The following TMTC1 variants were observed in gnomAD, a reference collection of about 807,000 sequenced individuals.
TMTC1 encodes transmembrane O-mannosyltransferase targeting cadherins 1, also known as protein O-mannosyl-transferase TMTC1.
Under a neutral mutation model 104.8 loss-of-function variants are expected in TMTC1, and 73 were observed. The observed-to-expected ratio is 0.70, with a 90% confidence interval of 0.58 to 0.85. TMTC1 has a LOEUF of 0.85. TMTC1 is among the 40% of genes least tolerant of loss of function. The pLI, the probability that TMTC1 is intolerant of heterozygous loss-of-function variation, is 0.00. For synonymous variants in TMTC1, 434 were observed against 428.7 expected (o/e 1.01, Z -0.15); for missense variants, 1,035 against 1,096.1 (o/e 0.94, Z 0.79).
chr12:29,573,473 T>C (rs1945737292), intron 8 of TMTC1, among the ~76,000 whole-genome samples: 1 of 152,140 alleles, frequency 6.6e-6, no homozygotes, highest in Non-Finnish European at 1.5e-5. Context: ...ACAATATGGT[T>C]AGAGTCCCAG....
At chr12:29,626,265 A>T (rs1937984655) in intron 6 of TMTC1, among the ~76,000 whole-genome samples, 1 of 152,208 alleles carries the variant, frequency 6.6e-6, no homozygotes, top group Non-Finnish European at 1.5e-5. Context: ...TAAGTAAAAT[A>T]ACCAAACTAT....
At chr12:29,678,644 G>T (rs201166372) in intron 5 of TMTC1, among the ~76,000 whole-genome samples, 1 of 152,122 alleles carries the variant, frequency 6.6e-6, no homozygotes, top group East Asian at 1.9e-4. Context: ...ACTGTTCATG[G>T]CTATGGTTAT....
At chr12:29,675,004 A>G (rs1257538813) in intron 5 of TMTC1, among the ~76,000 whole-genome samples, 1 of 152,194 alleles carries the variant, frequency 6.6e-6, no homozygotes, top group Admixed American at 6.5e-5. Flanking sequence ...TCTCACTGAC[A>G]TATTACAGCA....
intron 5 of TMTC1, among the ~76,000 whole-genome samples, chr12:29,748,839 T>C (rs890503740): frequency 6.6e-6 from 1 of 152,150 alleles, no homozygotes; most frequent in Non-Finnish European, 1.5e-5. Context: ...TTATTAAAAA[T>C]TCAAGTAAAT....
chr12:29,639,850 G>A (rs1202148836), intron 5 of TMTC1, among the ~76,000 whole-genome samples: 1 of 152,188 alleles, frequency 6.6e-6, no homozygotes, highest in Non-Finnish European at 1.5e-5. Context: ...TGTGGAACAA[G>A]CACAGAAGAC....
intron 5 of TMTC1, among the ~76,000 whole-genome samples, chr12:29,678,955 C>G (rs7135501): frequency 0.21 from 31,322 of 152,012 alleles, 3,574 homozygotes; most frequent in East Asian, 0.29. Flanking sequence ...AAACATTTCT[C>G]CAACCATTAG....
intron 10 of TMTC1, among the ~76,000 whole-genome samples, chr12:29,537,619 C>T (rs1441912327): frequency 6.6e-6 from 1 of 152,148 alleles, no homozygotes; most frequent in African/African-American, 2.4e-5. Flanking sequence ...AGGCCCCATC[C>T]AGACCTACTG....
intron 5 of TMTC1, among the ~76,000 whole-genome samples, chr12:29,634,465 AAC>A (rs756969706): frequency 0.97 from 147,293 of 152,124 alleles, 71,481 homozygotes; most frequent in Middle Eastern, 1. Context: ...CACTACTGAA[AAC>A]CCCCACTCCA....
At chr12:29,651,507 C>T (rs1451511801) in intron 5 of TMTC1, among the ~76,000 whole-genome samples, 2 of 152,080 alleles carry the variant, frequency 1.3e-5, no homozygotes, top group African/African-American at 4.8e-5. Flanking sequence ...AGTTAGGGCC[C>T]CACTAACTTT....
chr12:29,722,182 C>T (rs1230961370), intron 5 of TMTC1, among the ~76,000 whole-genome samples: 1 of 152,126 alleles, frequency 6.6e-6, no homozygotes, highest in Non-Finnish European at 1.5e-5. Flanking sequence ...CCTTCAGGGT[C>T]CCTAGATGAT....
chr12:29,631,348 T>C (rs566850025), intron 6 of TMTC1, among the ~76,000 whole-genome samples: 1 of 152,236 alleles, frequency 6.6e-6, no homozygotes, highest in African/African-American at 2.4e-5. Context: ...GATTTTCTCC[T>C]TTTCTTTTAG....
chr12:29,532,683 G>A (rs907382482), intron 11 of TMTC1: 4 of 151,928 alleles, frequency 2.6e-5, no homozygotes, highest in Non-Finnish European at 5.9e-5. Context: ...GATAATATTT[G>A]TTGTCTCCAG....
At chr12:29,541,344 C>T (rs967833865) in intron 10 of TMTC1, among the ~76,000 whole-genome samples, 1 of 152,154 alleles carries the variant, frequency 6.6e-6, no homozygotes. Flanking sequence ...GAAGGACTGG[C>T]GTCTCACTCT....
intron 10 of TMTC1, among the ~76,000 whole-genome samples, chr12:29,543,491 T>C (rs886752392): frequency 2.0e-5 from 3 of 152,212 alleles, no homozygotes; most frequent in Non-Finnish European, 2.9e-5. Flanking sequence ...TTGGTGGCAG[T>C]AAAATTTCCC....
intron 9 of TMTC1, among the ~76,000 whole-genome samples, chr12:29,564,628 G>T (rs1464493836): frequency 6.6e-6 from 1 of 152,174 alleles, no homozygotes; most frequent in South Asian, 2.1e-4. Context: ...TTTCACATGT[G>T]GGGAGGGAGC....
At chr12:29,742,222 TC>T (rs1336812579) in intron 5 of TMTC1, among the ~76,000 whole-genome samples, 10 of 152,234 alleles carry the variant, frequency 6.6e-5, no homozygotes, top group African/African-American at 1.9e-4. Flanking sequence ...CAAACATTAT[TC>T]CTTCCATCCA....
chr12:29,517,072 A>G (rs1031782974), intron 14 of TMTC1, among the ~76,000 whole-genome samples: 2 of 152,246 alleles, frequency 1.3e-5, no homozygotes, highest in African/African-American at 2.4e-5. Context: ...ACAAACATAC[A>G]TATCTAAATA....
intron 6 of TMTC1, among the ~76,000 whole-genome samples, chr12:29,625,730 T>G (rs1304002754): frequency 6.6e-6 from 1 of 152,242 alleles, no homozygotes; most frequent in Non-Finnish European, 1.5e-5. Context: ...GACTTGCCTG[T>G]GTGCAGGGTC....
At chr12:29,752,173 CT>C (rs1180600033) in intron 4 of TMTC1, among the ~76,000 whole-genome samples, 8 of 151,802 alleles carry the variant, frequency 5.3e-5, no homozygotes, top group African/African-American at 1.9e-4. Context: ...TTCTTCACCC[CT>C]CACCCTCCAA....
Sources: allele counts gnomAD v4.1 joint callset (sites outside exome capture counted in the v4.1 genomes callset), GRCh38; gene constraint gnomAD v4.1.1; transcripts MANE v1.5; gene names NCBI Gene and HGNC (gene_info 2026-07-23, HGNC 2026-07-21).